The following KCNN2 variants were observed in gnomAD, a reference collection of about 807,000 sequenced individuals.
KCNN2 encodes the protein small conductance calcium-activated potassium channel protein 2.
A neutral mutation model predicts 55.5 loss-of-function variants in KCNN2; 24 were observed. The observed-to-expected ratio is 0.43, with a 90% CI of 0.31 to 0.61. KCNN2 has a LOEUF of 0.61. Ranked by LOEUF, KCNN2 falls within the 20% of genes least tolerant of loss-of-function variation. KCNN2 has a pLI of 0.08. For synonymous variants in KCNN2, 431 were observed against 336.1 expected, an observed-to-expected ratio of 1.28 and a Z score of -3.09; for missense variants, 754 against 853.6, an observed-to-expected ratio of 0.88 and a Z score of 1.45.
chr5:114,097,930 G>T lies in KCNN2; in HGVS notation c.-271+41430G>T, dbSNP rs1751296341. Among the ~76,000 whole-genome samples the T allele has an allele frequency of 2.0e-5, 3 of 152,084 alleles. No individual in the cohort carries two copies. The South Asian group carries it at 6.2e-4, about 32-fold the overall frequency. On this transcript the variant is annotated intron_variant, in intron 1 of 10. Coordinates refer to the KCNN2 transcript ENST00000512097. ...GTGACAAATTACCACAAACATAGTA[G>T]TTTAAAACAACATGTTTATTTTCCT...
intron 2 of KCNN2, among the ~76,000 whole-genome samples, chr5:114,253,336 C>G (rs1395312083): frequency 2.0e-5 from 3 of 152,014 alleles, no homozygotes; most frequent in East Asian, 3.9e-4. Context: ...TGGAGAAGTT[C>G]ACAGTGAGAC....
chr5:114,071,697 C>G (rs547100952), intron 1 of KCNN2, among the ~76,000 whole-genome samples: 10 of 152,158 alleles, frequency 6.6e-5, no homozygotes, highest in Admixed American at 5.9e-4. Flanking sequence ...GGAAAGCTCT[C>G]TCAATAGGGG....
intron 1 of KCNN2, among the ~76,000 whole-genome samples, chr5:114,206,849 T>G (rs1215586667): frequency 6.6e-6 from 1 of 152,124 alleles, no homozygotes; most frequent in Non-Finnish European, 1.5e-5. Context: ...CTCTGTGTTT[T>G]CAGTTGCACC....
intron 1 of KCNN2, among the ~76,000 whole-genome samples, chr5:114,061,929 A>G (rs1040772347): frequency 2.6e-5 from 4 of 151,078 alleles, no homozygotes; most frequent in Admixed American, 6.6e-5. Context: ...TTGACTAGAG[A>G]AAAAATACAG....
At chr5:114,137,775 TAAAC>T (rs1004944390) in intron 1 of KCNN2, among the ~76,000 whole-genome samples, 3 of 152,090 alleles carry the variant, frequency 2.0e-5, no homozygotes, top group African/African-American at 4.8e-5. Flanking sequence ...TGAGAAGAAT[TAAAC>T]AAGAATAACT....
rs370203911 is a variant in KCNN2, at chr5:114,165,026, G to C, written c.-270-56454G>C. On this transcript the variant is annotated intron_variant, in intron 1 of 10. Transcript: ENST00000512097. ...CAGAAAGTTTAAGTAACAGTAACTT[G>C]CCTAAAGCCACACAGCAAGCAAGTG... 2.2e-4 allele frequency among the ~76,000 whole-genome samples: 33 copies of C among 152,254 alleles called. No homozygotes were observed. The South Asian group carries it at 4.4e-3, about 20-fold the overall frequency.
intron 1 of KCNN2, among the ~76,000 whole-genome samples, chr5:114,213,869 C>T (rs1004279108): frequency 1.3e-5 from 2 of 152,048 alleles, no homozygotes; most frequent in African/African-American, 4.8e-5. Flanking sequence ...GTTCAAAGCT[C>T]TTGTTCTCTG....
intron 2 of KCNN2, among the ~76,000 whole-genome samples, chr5:114,259,501 G>T (rs1755056430): frequency 6.6e-6 from 1 of 152,154 alleles, no homozygotes; most frequent in Non-Finnish European, 1.5e-5. Context: ...CTGGTGTACT[G>T]CCCTCAAGAA....
intron 4 of KCNN2, among the ~76,000 whole-genome samples, chr5:114,467,705 G>T (rs1761522444): frequency 1.3e-5 from 2 of 151,922 alleles, no homozygotes; most frequent in Non-Finnish European, 2.9e-5. Flanking sequence ...GCAAAAAAAT[G>T]TCTTAAATAT....
At chr5:114,177,298 C>T (rs531279795) in intron 1 of KCNN2, among the ~76,000 whole-genome samples, 7 of 152,102 alleles carry the variant, frequency 4.6e-5, no homozygotes, top group East Asian at 1.9e-4. Context: ...CCACCGCGCC[C>T]GGCTAATGTT....
rs1232196351 is a variant in KCNN2, at chr5:114,285,304, AAAGAG to A, written c.-185+63741_-185+63745del. On this transcript the variant is annotated intron_variant, in intron 2 of 10. Transcript: ENST00000512097. ...TCTCCAAAAAAAAAAAAAAAAAAAA[AAAGAG>A]AGACAGTTGGCAAAAATATATCGGT... Among the ~76,000 whole-genome samples, 3 of 151,276 alleles carry A rather than the reference AAAGAG, an allele frequency of 2.0e-5. No individual in the cohort carries two copies. The East Asian group carries it at 5.9e-4, about 30-fold the overall frequency.
chr5:114,426,054 T>C (rs955301603), intron 3 of KCNN2, among the ~76,000 whole-genome samples: 2 of 151,420 alleles, frequency 1.3e-5, no homozygotes, highest in African/African-American at 4.9e-5. Context: ...TGGTGGCACA[T>C]ACCTGTAGTC....
chr5:114,297,569 A>G (rs1236306534), intron 2 of KCNN2, among the ~76,000 whole-genome samples: 4 of 152,180 alleles, frequency 2.6e-5, no homozygotes, highest in Admixed American at 6.5e-5. Context: ...GGGCTTTAAA[A>G]TAGTCATACC....
At chr5:114,057,939 A>G (rs983307135) in intron 1 of KCNN2, among the ~76,000 whole-genome samples, 1 of 152,256 alleles carries the variant, frequency 6.6e-6, no homozygotes, top group African/African-American at 2.4e-5. Flanking sequence ...AAGGATGTTC[A>G]AACATTGCTG....
At chr5:114,350,377 A>G (rs765773197) in intron 2 of KCNN2, among the ~76,000 whole-genome samples, 1 of 151,838 alleles carries the variant, frequency 6.6e-6, no homozygotes, top group South Asian at 2.1e-4. Flanking sequence ...TTTCACATCT[A>G]TGATTTGTAA....
In KCNN2 at chr5:114,305,457, G is replaced by A. The variant is rs549875868; in HGVS notation, c.-184-55488G>A. On this transcript the variant is annotated intron_variant, in intron 2 of 10. Transcript: ENST00000512097. ...TTATCTCTGTGTTGGGGTACCAAGA[G>A]AAATAAACCTCCAGGCTGTGGATGG... 7.2e-5 allele frequency among the ~76,000 whole-genome samples: 11 copies of A among 152,296 alleles called. No individual in the cohort carries two copies. The East Asian group carries it at 1.9e-3, about 27-fold the overall frequency.
chr5:114,351,971 C>T (rs72799674), intron 2 of KCNN2, among the ~76,000 whole-genome samples: 11,261 of 151,544 alleles, frequency 0.074, 532 homozygotes, highest in Non-Finnish European at 0.1. Flanking sequence ...TGTTTTTCCT[C>T]CTCTATTTTT....
chr5:114,452,451 C>A (rs1258201812), intron 3 of KCNN2, among the ~76,000 whole-genome samples: 1 of 152,130 alleles, frequency 6.6e-6, no homozygotes, highest in Non-Finnish European at 1.5e-5. Context: ...TCTGCCTTAC[C>A]ACATTTTAAG....
chr5:114,242,420 A>G (rs1754664420), intron 2 of KCNN2, among the ~76,000 whole-genome samples: 1 of 152,222 alleles, frequency 6.6e-6, no homozygotes, highest in African/African-American at 2.4e-5. Context: ...TGTTGATAAC[A>G]TATCTAACAG....
Sources: allele counts gnomAD v4.1 joint callset (sites outside exome capture counted in the v4.1 genomes callset), GRCh38; gene constraint gnomAD v4.1.1; transcripts MANE v1.5; gene names NCBI Gene and HGNC (gene_info 2026-07-23, HGNC 2026-07-21).